SRCIN1: variants seen among roughly 807,000 people sequenced by gnomAD.
The protein encoded by SRCIN1 is SRC kinase signaling inhibitor 1, also known as P130Cas-associated protein.
SRCIN1 carries 50 observed loss-of-function variants against 116.2 expected under a neutral mutation model. The observed-to-expected ratio is 0.43, with a 90% CI of 0.34 to 0.54. The LOEUF (loss-of-function observed/expected upper bound fraction) is 0.54, where lower values mean the gene tolerates loss of function less well. SRCIN1 is among the 20% of genes least tolerant of loss of function. The pLI is 0.02. For synonymous variants in SRCIN1, 736 were observed against 750.0 expected (o/e 0.98, Z 0.30); for missense variants, 1,446 against 1,672.0 (o/e 0.86, Z 2.36).
chr17:38,574,769 G>A (rs1008369116), intron 2 of SRCIN1: 10 of 399,314 alleles, frequency 2.5e-5, no homozygotes, highest in African/African-American at 1.8e-4. Context: ...AAGAGAAAAG[G>A]TTGCAAAATA....
intron 1 of SRCIN1, among the ~76,000 whole-genome samples, chr17:38,591,916 G>A (rs1275631829): frequency 6.6e-6 from 1 of 152,242 alleles, no homozygotes; most frequent in African/African-American, 2.4e-5. Flanking sequence ...AGCCCGCTCT[G>A]CCTGGAATTC....
Position 38,543,922 on chromosome 17 carries a change from G to A in SRCIN1, c.3318C>T (p.Ala1106=), listed in dbSNP as rs906929342. ...VPPMKVVTPG[A]SRLKAAQGQA... ...GGCCCTGGGCCGCCTTCAGCCGAGA[G>A]GCCCCCGGAGTCACCACCTTCATGG... The change falls in exon 18 of 19, where the codon GCC becomes GCT. Residue 1106 remains alanine, a synonymous_variant. Transcript: ENST00000617146. The A allele has an allele frequency of 1.2e-6, 2 of 1,600,498 alleles. No individual in the cohort carries two copies. Among genetic ancestry groups the A allele is most frequent in the African/African-American group, 1.3e-5 (1 of 74,840 alleles).
At chr17:38,595,582 G>A (rs1351685716) in intron 1 of SRCIN1, among the ~76,000 whole-genome samples, 3 of 152,166 alleles carry the variant, frequency 2.0e-5, no homozygotes, top group Non-Finnish European at 4.4e-5. Context: ...TAAATGAAAC[G>A]AGATCACAAG....
chr17:38,558,292 G>GCGCTGC lies in SRCIN1; in HGVS notation c.2130_2135dup (p.Gln711_Arg712dup), dbSNP rs1567862317. Reference sequence around the variant, plus strand: ...GCAGCCGTTCCTCTTCCACCAGGGTGCGCTGCCGCTGCAGCGGGTCCTCCT... The same window carrying GCGCTGC: ...GCAGCCGTTCCTCTTCCACCAGGGTGCGCTGCCGCTGCCGCTGCAGCGGGTCCTCCT... On this transcript the variant is annotated inframe_insertion, in exon 11 of 19. Transcript: ENST00000617146. This position sits in a 1 kb window ranked among gnomAD's most constrained non-coding sequence, Gnocchi z 4.6. 6.2e-7 allele frequency: 1 copy of GCGCTGC among 1,612,080 alleles called. No individual in the cohort carries two copies. Among genetic ancestry groups the GCGCTGC allele is most frequent in the Non-Finnish European group, 8.5e-7 (1 of 1,179,656 alleles).
chr17:38,596,298 A>C (rs1354032614), intron 1 of SRCIN1, among the ~76,000 whole-genome samples: 1 of 152,172 alleles, frequency 6.6e-6, no homozygotes, highest in Non-Finnish European at 1.5e-5. Flanking sequence ...GGTACAGAGC[A>C]AGGCAGAGCC....
intron 1 of SRCIN1, among the ~76,000 whole-genome samples, chr17:38,605,073 G>T (rs1009191288): frequency 1.3e-5 from 2 of 152,032 alleles, no homozygotes; most frequent in South Asian, 2.1e-4. Flanking sequence ...TGCGGGGAGG[G>T]GGGGTGTGTG....
chr17:38,590,867 C>T (rs924520912), intron 1 of SRCIN1, among the ~76,000 whole-genome samples: 1 of 152,226 alleles, frequency 6.6e-6, no homozygotes, highest in African/African-American at 2.4e-5. Context: ...CCACAGGTCC[C>T]CTCTGTCCTT....
chr17:38,568,287 A>T lies in SRCIN1; in HGVS notation c.325-56T>A. On this transcript the variant is annotated intron_variant, in intron 2 of 18. Transcript: ENST00000617146. This position sits in a 1 kb window ranked among gnomAD's most constrained non-coding sequence, Gnocchi z 4.5. The stretch of plus-strand genomic sequence containing the variant: ...ATGAGGGGGCCCAGGAGGGGAAAAG[A>T]GGGGCAGGGGCAGGTTAGAGACCCT... 1.3e-6 allele frequency: 2 copies of T among 1,572,664 alleles called. No individual in the cohort carries two copies. The highest frequency in any genetic ancestry group is 2.3e-5 in the South Asian group (2 of 87,606).
At chr17:38,576,186 A>G (rs535740582) in intron 2 of SRCIN1, among the ~76,000 whole-genome samples, 186 of 151,940 alleles carry the variant, frequency 1.2e-3, no homozygotes, top group East Asian at 3.3e-3. Context: ...TCCTGGCCCA[A>G]TCTCCCCAAA....
rs1906397110 is a variant in SRCIN1, at chr17:38,563,149, G to A, written c.740+174C>T. Reference sequence around the variant, plus strand: ...GGAACCAGCAGGGGTGGACGATTTAGGGGGTGGGGGCTGAGATGGCCGAGG... The same window carrying A: ...GGAACCAGCAGGGGTGGACGATTTAAGGGGTGGGGGCTGAGATGGCCGAGG... On this transcript the variant is annotated intron_variant, in intron 5 of 18. Transcript: ENST00000617146. This position sits in a 1 kb window ranked among gnomAD's most constrained non-coding sequence, Gnocchi z 5.8. Among the ~76,000 whole-genome samples, 1 of 152,198 alleles carries A rather than the reference G, an allele frequency of 6.6e-6. No individual in the cohort carries two copies. Among genetic ancestry groups the A allele is most frequent in the Non-Finnish European group, 1.5e-5 (1 of 68,026 alleles).
chr17:38,601,662 G>GCGCACA (rs374944860), intron 1 of SRCIN1, among the ~76,000 whole-genome samples: 1 of 149,842 alleles, frequency 6.7e-6, no homozygotes, highest in South Asian at 2.1e-4. Context: ...ACGCTCGCGC[G>GCGCACA]CACACACACA....
chr17:38,582,746 A>T (rs2143347528), intron 1 of SRCIN1, among the ~76,000 whole-genome samples: 1 of 152,338 alleles, frequency 6.6e-6, no homozygotes, highest in Admixed American at 6.5e-5. Flanking sequence ...TTATATAACA[A>T]AAAAGTAAGC....
chr17:38,558,466 C>A lies in SRCIN1; in HGVS notation c.2026-64G>T, dbSNP rs1905965556. On this transcript the variant is annotated intron_variant, in intron 10 of 18. Transcript: ENST00000617146. This position sits in a 1 kb window ranked among gnomAD's most constrained non-coding sequence, Gnocchi z 4.6. The stretch of plus-strand genomic sequence containing the variant: ...GCGGAGCCGCGAGGCAGGGGAAGGG[C>A]CGGGAGAAGGCGGGTAGAGGACTGC... 1 of 1,521,498 alleles carries A rather than the reference C, an allele frequency of 6.6e-7. No homozygotes were observed. Among genetic ancestry groups the A allele is most frequent in the African/African-American group, 1.4e-5 (1 of 71,894 alleles). 94.2% of individuals were successfully genotyped at this position (1,521,498 alleles called of 1,614,324 possible). A position where few individuals can be genotyped will look rare whatever the true frequency, so the allele number is the denominator to read the frequency against.
chr17:38,604,126 C>CA lies in SRCIN1; in HGVS notation c.22+1557dup, dbSNP rs1909219055. On this transcript the variant is annotated intron_variant, in intron 1 of 18. Coordinates refer to ENST00000617146, the MANE Select transcript of SRCIN1 (RefSeq NM_025248.3). This position sits in a 1 kb window ranked among gnomAD's most constrained non-coding sequence, Gnocchi z 4.3. ...GAAACTGAGGCAAGGAATTAGACAG[C>CA]AAAGCAGTTGGCTCAAGGTCACCCA... 6.6e-6 allele frequency among the ~76,000 whole-genome samples: 1 copy of CA among 152,150 alleles called. No individual in the cohort carries two copies.
rs79154508 is a variant in SRCIN1, at chr17:38,533,095, T to TAA, written c.*200_*201dup. The TAA allele has an allele frequency of 0.077, 19,650 of 255,896 alleles. 2,138 individuals carry two copies. Among genetic ancestry groups the TAA allele is most frequent in the African/African-American group, 0.35 (11,591 of 33,006 alleles). 15.9% of individuals were successfully genotyped at this position (255,896 alleles called of 1,614,324 possible). A position where few individuals can be genotyped will look rare whatever the true frequency, so the allele number is the denominator to read the frequency against. ...AAAAAGATAATTAAAAGTTAATTGT[T>TAA]AAAAAAAAAAAAAAAAACAAAACCA... On this transcript the variant is annotated 3_prime_UTR_variant, in exon 19 of 19. Coordinates refer to ENST00000617146, the MANE Select transcript of SRCIN1 (RefSeq NM_025248.3).
At chr17:38,605,567 TC>T in intron 1 of SRCIN1, 116 bp downstream of exon 1, 2 of 735,684 alleles carry the variant, frequency 2.7e-6, no homozygotes, top group Non-Finnish European at 3.8e-6. Context: ...GGCCACCGCC[TC>T]CCCGGCCCGG....
Position 38,533,120 on chromosome 17 carries a change from A to T in SRCIN1, c.*177T>A. The T allele has an allele frequency of 1.8e-6, 1 of 541,520 alleles. No homozygotes were observed. Among genetic ancestry groups the T allele is most frequent in the East Asian group, 3.7e-5 (1 of 27,048 alleles). 33.5% of individuals were successfully genotyped at this position (541,520 alleles called of 1,614,324 possible). On this transcript the variant is annotated 3_prime_UTR_variant, in exon 19 of 19. Coordinates refer to ENST00000617146, the MANE Select transcript of SRCIN1 (RefSeq NM_025248.3). ...TAAAAAAAAAAAAAAAAACAAAACCAAAAACACCAACAGATGATGGGTAGG... is the reference window on the plus strand; with the variant it reads ...TAAAAAAAAAAAAAAAAACAAAACCTAAAACACCAACAGATGATGGGTAGG...
intron 1 of SRCIN1, among the ~76,000 whole-genome samples, chr17:38,603,309 C>A (rs1436631859): frequency 6.6e-6 from 1 of 151,738 alleles, no homozygotes; most frequent in Non-Finnish European, 1.5e-5. Flanking sequence ...TTTAAGACGC[C>A]TGGAACCCAG....
Position 38,552,530 on chromosome 17 carries a change from C to T in SRCIN1, c.2397G>A (p.Lys799=), listed in dbSNP as rs767301662. The change falls in exon 13 of 19, where the codon AAG becomes AAA. Residue 799 remains lysine (K), a synonymous_variant. Transcript: ENST00000617146. The surrounding 1 kb of genome is among the most constrained non-coding windows in gnomAD (Gnocchi z 5.3). ...VVLRVEVEAV[K]FLKEEPQRLD... ...GGCGCTGGGGCTCCTCCTTCAGGAA[C>T]TTCACCGCCTCCACCTCCACGCGCA... 3.1e-5 allele frequency: 49 copies of T among 1,606,546 alleles called. No individual in the cohort carries two copies. In the Middle Eastern group the frequency reaches 8.2e-4, roughly 27 times the overall value.
Sources: gnomAD v4.1 joint callset for allele counts (sites outside exome capture counted in the v4.1 genomes callset) on GRCh38, gnomAD v4.1.1 for gene constraint, Gnocchi (gnomAD v3.1) non-coding constraint, MANE v1.5 for transcripts, NCBI Gene and HGNC (gene_info 2026-07-23, HGNC 2026-07-21) for gene names.